UGT8: variants seen among roughly 807,000 people sequenced by gnomAD.
UGT8 encodes 2-hydroxyacylsphingosine 1-beta-galactosyltransferase.
In UGT8, 12 loss-of-function variants were observed where a neutral mutation model predicts 40.5. The observed-to-expected ratio is 0.30, with a 90% confidence interval of 0.19 to 0.48. The LOEUF (loss-of-function observed/expected upper bound fraction) is 0.48, where lower values mean the gene tolerates loss of function less well. Ranked by LOEUF, UGT8 falls within the 20% of genes least tolerant of loss-of-function variation. The pLI, the probability that UGT8 is intolerant of heterozygous loss-of-function variation, is 0.99. For synonymous variants in UGT8, 224 were observed against 240.4 expected (o/e 0.93, Z 0.63); for missense variants, 513 against 648.7 (o/e 0.79, Z 2.27).
At chr4:114,670,016 T>C (rs998393505) in intron 5 of UGT8, among the ~76,000 whole-genome samples, 2 of 152,196 alleles carry the variant, frequency 1.3e-5, no homozygotes, top group African/African-American at 4.8e-5. Flanking sequence ...GTCCGAGATA[T>C]TCTAGTTTAA....
In UGT8 at chr4:114,668,301, C is replaced by G. The variant is rs1211589783; in HGVS notation, c.1259C>G (p.Pro420Arg). The G allele has an allele frequency of 1.2e-6, 2 of 1,612,974 alleles. No homozygotes were observed. The highest frequency in any genetic ancestry group is 2.7e-5 in the African/African-American group (2 of 74,858). ...YEALVKVINN[P>R]SYRQRAQKLS... ...GCACTAGTGAAGGTTATCAATAATC[C>G]CAGGTAAGGTTTCAATTAACATTAA... Residue 420 changes from proline to arginine, a missense_variant, in exon 5 of 6, where the codon CCC becomes CGC. By Grantham distance (103) the Pro-to-Arg change is moderately radical. This residue lies in a region of UGT8 where 175 missense variants were observed against 186.7 expected (regional missense o/e 0.94). Transcript: ENST00000310836.
intron 2 of UGT8, among the ~76,000 whole-genome samples, chr4:114,628,084 A>G (rs1183196953): frequency 1.3e-5 from 2 of 152,142 alleles, no homozygotes; most frequent in Admixed American, 1.3e-4. Context: ...TTGTGTCTGT[A>G]TACTGTCCTA....
intron 5 of UGT8, among the ~76,000 whole-genome samples, chr4:114,672,721 C>T (rs1487243164): frequency 6.6e-6 from 1 of 152,146 alleles, no homozygotes; most frequent in Non-Finnish European, 1.5e-5. Context: ...TACAGCAAAC[C>T]ACCATGGCAC....
chr4:114,669,387 T>C lies in UGT8; in HGVS notation c.1262+1083T>C, dbSNP rs867316415. Among the ~76,000 whole-genome samples, 8 of 6,910 alleles carry C rather than the reference T, an allele frequency of 1.2e-3. No homozygotes were observed. In the East Asian group the frequency reaches 0.44, roughly 378 times the overall value. The allele number at this position is 6,910 out of a possible 152,430, so 4.5% of individuals were successfully genotyped here. On this transcript the variant is annotated intron_variant, in intron 5 of 5. Coordinates refer to ENST00000310836, the MANE Select transcript of UGT8 (RefSeq NM_001128174.3). ...CATGATGTTATTTCATATACATATA[T>C]ATATATATATATATATATATGCACA...
chr4:114,675,355 T>C (rs1735559256), intron 5 of UGT8, among the ~76,000 whole-genome samples: 1 of 152,164 alleles, frequency 6.6e-6, no homozygotes, highest in Admixed American at 6.5e-5. Context: ...AGTCAGAAAA[T>C]TCTGGGTCTC....
At chr4:114,667,260 C>T (rs576269566) in intron 4 of UGT8, among the ~76,000 whole-genome samples, 29 of 152,042 alleles carry the variant, frequency 1.9e-4, no homozygotes, top group African/African-American at 5.6e-4. Context: ...TTTAAAAGAT[C>T]GACATTTCAG....
chr4:114,599,550 C>T (rs1730309405), intron 1 of UGT8, among the ~76,000 whole-genome samples: 1 of 152,198 alleles, frequency 6.6e-6, no homozygotes, highest in Non-Finnish European at 1.5e-5. Flanking sequence ...TTTTCGGGGC[C>T]CGCCGTTTCC....
intron 4 of UGT8, among the ~76,000 whole-genome samples, chr4:114,666,046 A>G (rs1734849014): frequency 6.6e-6 from 1 of 152,114 alleles, no homozygotes; most frequent in East Asian, 1.9e-4. Flanking sequence ...TACTTAATGA[A>G]CTATATAAAT....
chr4:114,648,813 A>G (rs995923097), intron 2 of UGT8, among the ~76,000 whole-genome samples: 1 of 152,236 alleles, frequency 6.6e-6, no homozygotes, highest in Non-Finnish European at 1.5e-5. Context: ...ATTTCTTACC[A>G]TTGAGCAAAT....
intron 2 of UGT8, among the ~76,000 whole-genome samples, chr4:114,663,415 A>C (rs544343285): frequency 6.6e-6 from 1 of 152,182 alleles, no homozygotes; most frequent in African/African-American, 2.4e-5. Flanking sequence ...CCGTGGCTCT[A>C]TTTATTTTCC....
At chr4:114,664,461 A>G (rs2126132774) in intron 3 of UGT8, among the ~76,000 whole-genome samples, 1 of 152,326 alleles carries the variant, frequency 6.6e-6, no homozygotes, top group African/African-American at 2.4e-5. Context: ...TTTAAAAATT[A>G]GTTTTAATTG....
intron 1 of UGT8, among the ~76,000 whole-genome samples, chr4:114,619,104 T>G (rs1009847796): frequency 2.6e-4 from 40 of 152,098 alleles, no homozygotes; most frequent in African/African-American, 8.4e-4. Flanking sequence ...ATTTTTCCAA[T>G]GAACATAGGT....
intron 2 of UGT8, among the ~76,000 whole-genome samples, chr4:114,663,478 C>T (rs1734675953): frequency 6.6e-6 from 1 of 151,838 alleles, no homozygotes; most frequent in Non-Finnish European, 1.5e-5. Context: ...AAAAGGATGG[C>T]ATCATTAAAA....
At chr4:114,605,461 G>T (rs72677934) in intron 1 of UGT8, among the ~76,000 whole-genome samples, 1 of 152,010 alleles carries the variant, frequency 6.6e-6, no homozygotes, top group Admixed American at 6.6e-5. Flanking sequence ...ATTTACATTC[G>T]TATCTGATTT....
chr4:114,617,098 A>G (rs956831548), intron 1 of UGT8, among the ~76,000 whole-genome samples: 1 of 152,162 alleles, frequency 6.6e-6, no homozygotes, highest in Non-Finnish European at 1.5e-5. Context: ...TAAAAAAAAT[A>G]CAAAAATTAG....
At chr4:114,599,587 G>A (rs1366382088) in intron 1 of UGT8, among the ~76,000 whole-genome samples, 1 of 152,258 alleles carries the variant, frequency 6.6e-6, no homozygotes, top group African/African-American at 2.4e-5. Flanking sequence ...CTCGACAATG[G>A]ACAGTGTACA....
At chr4:114,669,904 T>C (rs1735125313) in intron 5 of UGT8, among the ~76,000 whole-genome samples, 2 of 152,192 alleles carry the variant, frequency 1.3e-5, no homozygotes, top group African/African-American at 2.4e-5. Flanking sequence ...CTAAAAGTCA[T>C]TATATAAACT....
chr4:114,625,693 AT>A (rs1445833361), intron 2 of UGT8, among the ~76,000 whole-genome samples: 2 of 151,714 alleles, frequency 1.3e-5, no homozygotes, highest in East Asian at 1.9e-4. Flanking sequence ...GCATGTGATA[AT>A]TTTTTTTCTA....
At chr4:114,640,939 A>G (rs773101423) in intron 2 of UGT8, among the ~76,000 whole-genome samples, 19 of 152,166 alleles carry the variant, frequency 1.2e-4, no homozygotes, top group Non-Finnish European at 1.5e-5. Context: ...CTTAGAAAAT[A>G]TCACCAAAAG....
Sources: gnomAD v4.1 joint callset for allele counts (sites outside exome capture counted in the v4.1 genomes callset) on GRCh38, gnomAD v4.1.1 for gene constraint, gnomAD v4.1.1 regional missense constraint, MANE v1.5 for transcripts, NCBI Gene and HGNC (gene_info 2026-07-23, HGNC 2026-07-21) for gene names.